Variants in ATRNL1 observed in about 807,000 individuals in gnomAD.
ATRNL1 encodes attractin like 1.
A neutral mutation model predicts 182.7 loss-of-function variants in ATRNL1; 95 were observed. That is an observed-to-expected ratio of 0.52 (90% CI 0.44 to 0.62). The LOEUF (loss-of-function observed/expected upper bound fraction) is 0.62. Ranked by LOEUF, ATRNL1 falls within the 20% of genes least tolerant of loss-of-function variation. The pLI, the probability that ATRNL1 is intolerant of heterozygous loss-of-function variation, is 0.00. For missense variants in ATRNL1, 1,471 were observed against 1,679.5 expected, an observed-to-expected ratio of 0.88 and a Z score of 2.17; for synonymous variants, 576 against 568.3, an observed-to-expected ratio of 1.01 and a Z score of -0.19.
At chr10:115,347,626 T>C (rs1165959534) in intron 19 of ATRNL1, among the ~76,000 whole-genome samples, 1 of 152,086 alleles carries the variant, frequency 6.6e-6, no homozygotes, top group Non-Finnish European at 1.5e-5. Context: ...GCTTTAAATA[T>C]ACTGCAGCAT....
intron 28 of ATRNL1, among the ~76,000 whole-genome samples, chr10:115,911,882 C>A (rs568123454): frequency 6.6e-6 from 1 of 152,138 alleles, no homozygotes; most frequent in Non-Finnish European, 1.5e-5. Context: ...CGTGTTTCTC[C>A]CCGTTCCTCC....
intron 28 of ATRNL1, among the ~76,000 whole-genome samples, chr10:115,856,188 G>T (rs782202145): frequency 1.3e-5 from 2 of 151,898 alleles, no homozygotes; most frequent in African/African-American, 4.8e-5. Flanking sequence ...CAGCACTTTG[G>T]GAGGCCGAGG....
intron 24 of ATRNL1, among the ~76,000 whole-genome samples, chr10:115,508,697 A>G (rs1249483458): frequency 1.3e-5 from 2 of 152,042 alleles, no homozygotes; most frequent in Non-Finnish European, 2.9e-5. Flanking sequence ...CTTCAATTCT[A>G]CAAAGTCTGA....
At chr10:115,306,614 A>T (rs1176224741) in intron 17 of ATRNL1, among the ~76,000 whole-genome samples, 1 of 151,980 alleles carries the variant, frequency 6.6e-6, no homozygotes, top group Non-Finnish European at 1.5e-5. Flanking sequence ...TTGTTTCTTC[A>T]TCTGCTAAAA....
chr10:115,442,374 T>A (rs782125119), intron 21 of ATRNL1, among the ~76,000 whole-genome samples: 1 of 151,592 alleles, frequency 6.6e-6, no homozygotes, highest in African/African-American at 2.4e-5. Flanking sequence ...TTTCACTGAT[T>A]GTTTACATGA....
In ATRNL1 at chr10:115,582,913, G is replaced by A. The variant is rs1324319801; in HGVS notation, c.3795+33377G>A. On this transcript the variant is annotated intron_variant, in intron 26 of 28. Transcript: ENST00000355044. ...TTAAGTCTTTAATCCATCTTGAATTGATTTTTGTATAAGGTGTAAGGAAGG... is the reference window on the plus strand; with the variant it reads ...TTAAGTCTTTAATCCATCTTGAATTAATTTTTGTATAAGGTGTAAGGAAGG... Among the ~76,000 whole-genome samples, 269 of 149,586 alleles carry A rather than the reference G, an allele frequency of 1.8e-3. 2 individuals carry two copies. Among genetic ancestry groups the A allele is most frequent in the African/African-American group, 5.8e-3 (237 of 40,858 alleles).
chr10:115,753,130 T>C (rs1948493071), intron 27 of ATRNL1, among the ~76,000 whole-genome samples: 1 of 152,076 alleles, frequency 6.6e-6, no homozygotes, highest in Non-Finnish European at 1.5e-5. Context: ...GAAGATTTGA[T>C]GTTATTAATC....
chr10:115,225,473 G>A (rs1311723686), intron 9 of ATRNL1, among the ~76,000 whole-genome samples: 2 of 40,774 alleles, frequency 4.9e-5, no homozygotes, highest in Non-Finnish European at 7.9e-5. Flanking sequence ...TAATAAGGCA[G>A]ATTAATATAA....
chr10:115,529,927 T>C (rs1004216643), intron 25 of ATRNL1, among the ~76,000 whole-genome samples: 7 of 152,126 alleles, frequency 4.6e-5, no homozygotes, highest in African/African-American at 1.7e-4. Flanking sequence ...ATCACTAATC[T>C]ACTTTCTGTC....
intron 14 of ATRNL1, among the ~76,000 whole-genome samples, chr10:115,282,806 A>G (rs757016513): frequency 8.8e-5 from 13 of 148,400 alleles, no homozygotes; most frequent in Non-Finnish European, 1.6e-4. Flanking sequence ...TTTTTTTTTT[A>G]AAGGTGGAAT....
chr10:115,780,385 C>T lies in ATRNL1; in HGVS notation c.3903+53030C>T, dbSNP rs115858081. ...AATAAACTTGAAACACAGTCTAGGC[C>T]GTGAGGACGGCAACTCCTAGGCAAG... On this transcript the variant is annotated intron_variant, in intron 27 of 28. Coordinates refer to ENST00000355044, the MANE Select transcript of ATRNL1 (RefSeq NM_207303.4). 7.2e-3 allele frequency among the ~76,000 whole-genome samples: 1,090 copies of T among 152,232 alleles called. 20 individuals carry two copies. The highest frequency in any genetic ancestry group is 0.025 in the African/African-American group (1,048 of 41,534).
chr10:115,624,540 A>G (rs979354304), intron 26 of ATRNL1, among the ~76,000 whole-genome samples: 2 of 152,212 alleles, frequency 1.3e-5, no homozygotes, highest in African/African-American at 2.4e-5. Context: ...TGAGAGTGGT[A>G]TGCAGAAGCT....
At chr10:115,429,988 A>T (rs1565034647) in intron 21 of ATRNL1, among the ~76,000 whole-genome samples, 1 of 152,122 alleles carries the variant, frequency 6.6e-6, no homozygotes, top group African/African-American at 2.4e-5. Context: ...GGAGAATGTC[A>T]TGAACCCGGG....
chr10:115,388,142 CTT>C (rs1843765277), intron 19 of ATRNL1, among the ~76,000 whole-genome samples: 1 of 152,134 alleles, frequency 6.6e-6, no homozygotes, highest in African/African-American at 2.4e-5. Flanking sequence ...TAATATCTAA[CTT>C]AGTGATTATT....
At chr10:115,610,212 G>T (rs1555018596) in intron 26 of ATRNL1, among the ~76,000 whole-genome samples, 2 of 152,104 alleles carry the variant, frequency 1.3e-5, no homozygotes, top group Non-Finnish European at 2.9e-5. Context: ...CAAACCCAGG[G>T]TGTCACTGTT....
At chr10:115,296,636 A>T (rs571659812) in intron 15 of ATRNL1, among the ~76,000 whole-genome samples, 1 of 152,260 alleles carries the variant, frequency 6.6e-6, no homozygotes, top group Admixed American at 6.5e-5. Flanking sequence ...TATAAATATT[A>T]AAATATTTTG....
intron 27 of ATRNL1, among the ~76,000 whole-genome samples, chr10:115,740,806 A>C (rs373214623): frequency 3.4e-4 from 51 of 151,336 alleles, no homozygotes; most frequent in African/African-American, 1.2e-3. Flanking sequence ...ACACCCGGCC[A>C]ATCCTATCTC....
At chr10:115,918,210 C>T (rs76627836) in intron 28 of ATRNL1, among the ~76,000 whole-genome samples, 2 of 148,948 alleles carry the variant, frequency 1.3e-5, no homozygotes, top group Non-Finnish European at 3.0e-5. Flanking sequence ...AAGAGGTTCT[C>T]TTGCCTCAGC....
chr10:115,720,613 C>T (rs782279006), intron 26 of ATRNL1, among the ~76,000 whole-genome samples: 11 of 152,074 alleles, frequency 7.2e-5, no homozygotes, highest in Non-Finnish European at 1.5e-4. Context: ...GATCTACAAT[C>T]AGTATGTAAG....
Sources: gnomAD v4.1 joint callset for allele counts (sites outside exome capture counted in the v4.1 genomes callset) on GRCh38, gnomAD v4.1.1 for gene constraint, MANE v1.5 for transcripts, NCBI Gene and HGNC (gene_info 2026-07-23, HGNC 2026-07-21) for gene names.